The following TYW5 variants were observed in gnomAD, a reference collection of about 807,000 sequenced individuals.
The protein encoded by TYW5 is tRNA wybutosine-synthesizing protein 5.
Under a neutral mutation model 44.4 loss-of-function variants are expected in TYW5, and 36 were observed. The observed-to-expected ratio is 0.81, with a 90% CI of 0.62 to 1.07. The LOEUF (loss-of-function observed/expected upper bound fraction) is 1.07, where lower values mean the gene tolerates loss of function less well. Ranked by LOEUF, TYW5 falls within the 50% of genes least tolerant of loss-of-function variation. TYW5 has a pLI of 0.00. For synonymous variants in TYW5, 121 were observed against 128.1 expected, an observed-to-expected ratio of 0.94 and a Z score of 0.37; for missense variants, 354 against 365.7, an observed-to-expected ratio of 0.97 and a Z score of 0.26.
rs150108189 is a variant in TYW5, at chr2:199,949,310, G to A, written c.79-838C>T. Among the ~76,000 whole-genome samples the A allele has an allele frequency of 1.8e-3, 278 of 152,314 alleles. 1 individual carries two copies. Among genetic ancestry groups the A allele is most frequent in the African/African-American group, 6.3e-3 (262 of 41,564 alleles). On this transcript the variant is annotated intron_variant, in intron 1 of 7. Transcript: ENST00000354611. ...TTGAACCTAGGAGGCGGAGGTTGCAGTGAGCTGAGGTCGCACCATTGTACT... is the reference window on the plus strand; with the variant it reads ...TTGAACCTAGGAGGCGGAGGTTGCAATGAGCTGAGGTCGCACCATTGTACT...
chr2:199,938,685 T>A (rs1574797528), intron 5 of TYW5, among the ~76,000 whole-genome samples: 1 of 152,194 alleles, frequency 6.6e-6, no homozygotes, highest in African/African-American at 2.4e-5. Context: ...AAACTTGGTA[T>A]ATATATGATG....
At chr2:199,938,786 C>T (rs1233210242) in intron 5 of TYW5, 147 bp downstream of exon 5, 1 of 733,112 alleles carries the variant, frequency 1.4e-6, no homozygotes, top group African/African-American at 1.8e-5. Flanking sequence ...TGTATCACTG[C>T]TATGCACAGC....
chr2:199,930,694 G>C lies in TYW5; in HGVS notation c.*2373C>G, dbSNP rs1213827513. On this transcript the variant is annotated 3_prime_UTR_variant, in exon 8 of 8. Coordinates refer to ENST00000354611, the MANE Select transcript of TYW5 (RefSeq NM_001039693.3). ...AGGAAAAAAATTCCTTTTTGCATCA[G>C]GTCAAGCCCCCAAACTAGCCAAAGA... The C allele has an allele frequency of 6.6e-6, 1 of 152,138 alleles. No homozygotes were observed. The highest frequency in any genetic ancestry group is 1.5e-5 in the Non-Finnish European group (1 of 68,044). 9.4% of individuals were successfully genotyped at this position (152,138 alleles called of 1,614,324 possible).
rs531596505 is a variant in TYW5, at chr2:199,930,376, T to G, written c.*2691A>C. ...CTGGTTTCTCGTGCATCCTTAGAGA[T>G]AATTATATGCATATGCAAATAAGAT... On this transcript the variant is annotated 3_prime_UTR_variant, in exon 8 of 8. Transcript: ENST00000354611. The G allele has an allele frequency of 6.6e-6, 1 of 152,374 alleles. No homozygotes were observed. The highest frequency in any genetic ancestry group is 2.1e-4 in the South Asian group (1 of 4,832). The allele number at this position is 152,374 out of a possible 1,614,324, so 9.4% of individuals were successfully genotyped here.
At position 199,932,535 on chromosome 2, in the gene TYW5, G is replaced by C. The variant is rs1416348274; in HGVS notation, c.*532C>G. The stretch of plus-strand genomic sequence containing the variant: ...TAGAGCAATGAGACCTAAGGATATG[G>C]AAAGTGAATTCTGGGAAAGCTTTCT... On this transcript the variant is annotated 3_prime_UTR_variant, in exon 8 of 8. Coordinates refer to ENST00000354611, the MANE Select transcript of TYW5 (RefSeq NM_001039693.3). The C allele has an allele frequency of 6.4e-6, 1 of 157,070 alleles. No homozygotes were observed. Among genetic ancestry groups the C allele is most frequent in the Non-Finnish European group, 1.4e-5 (1 of 71,002 alleles). The allele number at this position is 157,070 out of a possible 1,614,324, so 9.7% of individuals were successfully genotyped here.
chr2:199,936,414 A>T lies in TYW5; in HGVS notation c.565T>A (p.Tyr189Asn), dbSNP rs769744604. The change falls in exon 6 of 8, where the codon TAT becomes AAT. Residue 189 changes from tyrosine (Y) to asparagine (N), a missense_variant. Coordinates refer to ENST00000354611, the MANE Select transcript of TYW5 (RefSeq NM_001039693.3). ...AAAAAAAATCCCATACCTTTTAAATATAAATACTGGGCATCTCGAGGACTG... is the reference window on the plus strand; with the variant it reads ...AAAAAAAATCCCATACCTTTTAAATTTAAATACTGGGCATCTCGAGGACTG... ...LFSPRDAQYL[Y>N]LKGTKSEVLN... is the part of the protein sequence containing the mutation. 6.2e-7 allele frequency: 1 copy of T among 1,611,802 alleles called. No individual in the cohort carries two copies. The highest frequency in any genetic ancestry group is 8.5e-7 in the Non-Finnish European group (1 of 1,179,296).
rs1207820097 is a variant in TYW5, at chr2:199,930,061, C to G, written c.*3006G>C. On this transcript the variant is annotated 3_prime_UTR_variant, in exon 8 of 8. Transcript: ENST00000354611. ...CACAATTCCAGCTCACTGCAACCTG[C>G]ACCTCCCAGGCTCAAGTGATCCTCC... 3 of 149,922 alleles carry G rather than the reference C, an allele frequency of 2.0e-5. No individual in the cohort carries two copies. 9.3% of individuals were successfully genotyped at this position (149,922 alleles called of 1,614,324 possible).
chr2:199,954,119 TTA>T (rs912521492), intron 1 of TYW5, among the ~76,000 whole-genome samples: 2 of 151,814 alleles, frequency 1.3e-5, no homozygotes, highest in African/African-American at 4.8e-5. Flanking sequence ...TTTTTTTTTT[TTA>T]AGCTAGGGTC....
At chr2:199,954,259 G>T (rs1176247820) in intron 1 of TYW5, among the ~76,000 whole-genome samples, 1 of 150,910 alleles carries the variant, frequency 6.6e-6, no homozygotes, top group Non-Finnish European at 1.5e-5. Context: ...GCGCCACCAC[G>T]CCCGGCTAAT....
At chr2:199,954,274 G>A (rs2077574585) in intron 1 of TYW5, among the ~76,000 whole-genome samples, 2 of 148,896 alleles carry the variant, frequency 1.3e-5, no homozygotes, top group African/African-American at 4.9e-5. Flanking sequence ...GCTAATTTTT[G>A]TATTTTTTGT....
intron 3 of TYW5, among the ~76,000 whole-genome samples, chr2:199,941,639 T>C (rs1380987282): frequency 2.0e-5 from 3 of 152,252 alleles, no homozygotes; most frequent in Non-Finnish European, 4.4e-5. Context: ...AAAATGTTCT[T>C]CGAAAGTCTA....
chr2:199,943,735 C>A (rs746075218), intron 3 of TYW5, 30 bp downstream of exon 3: 6 of 1,549,266 alleles, frequency 3.9e-6, no homozygotes, highest in Non-Finnish European at 5.3e-6. Context: ...GATATTAATG[C>A]CTTCTTTTAA....
chr2:199,950,667 T>C (rs1200072158), intron 1 of TYW5, among the ~76,000 whole-genome samples: 1 of 152,194 alleles, frequency 6.6e-6, no homozygotes, highest in Non-Finnish European at 1.5e-5. Context: ...TGTGTGTATG[T>C]GCACGTGCGC....
At position 199,938,990 on chromosome 2, in the gene TYW5, G is replaced by C. The variant is rs1574797876; in HGVS notation, c.429C>G (p.Phe143Leu). 1 of 1,613,458 alleles carries C rather than the reference G, an allele frequency of 6.2e-7. No homozygotes were observed. Among genetic ancestry groups the C allele is most frequent in the African/African-American group, 1.3e-5 (1 of 74,898 alleles). Residue 143 changes from phenylalanine to leucine, a missense_variant, in exon 5 of 8, where the codon TTC becomes TTG. Transcript: ENST00000354611. ...KFPEFFKEEQ[F>L]FSSVFRISSP... is the part of the protein sequence containing the mutation. The stretch of plus-strand genomic sequence containing the variant: ...AACTAATTCGAAAAACACTGGAAAA[G>C]AACTGTTCCTCTTTGAAGAATTCTG...
intron 2 of TYW5, chr2:199,944,798 T>G (rs2077491609): frequency 6.6e-6 from 1 of 152,334 alleles, no homozygotes; most frequent in Middle Eastern, 3.4e-3. Context: ...GGTTAAATAC[T>G]TTCTCCTTCT....
At chr2:199,952,385 AATATGAT>A (rs1486963520) in intron 1 of TYW5, among the ~76,000 whole-genome samples, 9 of 152,214 alleles carry the variant, frequency 5.9e-5, no homozygotes, top group Non-Finnish European at 1.3e-4. Context: ...AATTTTTGCC[AATATGAT>A]ATATAAGAAG....
At chr2:199,943,146 G>A (rs1421086326) in intron 3 of TYW5, 1 of 152,224 alleles carries the variant, frequency 6.6e-6, no homozygotes, top group Admixed American at 6.5e-5. Context: ...GTGAGCCATT[G>A]CGCTCGACCA....
In TYW5 at chr2:199,936,461, C is replaced by T. The variant is rs1381790348; in HGVS notation, c.518G>A (p.Gly173Glu). The T allele has an allele frequency of 6.2e-6, 10 of 1,612,914 alleles. No homozygotes were observed. Among genetic ancestry groups the T allele is most frequent in the Admixed American group, 1.7e-5 (1 of 59,954 alleles). The stretch of plus-strand genomic sequence containing the variant: ...ACTGAAGAGTACAACACGCTTTTTT[C>T]CTGTCACTTGTATTAACAAATTATC... ...VMDNLLIQVT[G>E]KKRVVLFSPR... The change falls in exon 6 of 8, where the codon GGA becomes GAA. Residue 173 changes from glycine (G) to glutamate (E), a missense_variant. Physicochemically the swap from Gly to Glu is moderately conservative, Grantham distance 98. Transcript: ENST00000354611.
chr2:199,935,581 C>G (rs1240982451), intron 7 of TYW5, among the ~76,000 whole-genome samples: 1 of 146,008 alleles, frequency 6.8e-6, no homozygotes, highest in African/African-American at 2.5e-5. Context: ...CTTTTGGCCT[C>G]AAGCAATCCT....
Sources: gnomAD v4.1 joint callset for allele counts (sites outside exome capture counted in the v4.1 genomes callset) on GRCh38, gnomAD v4.1.1 for gene constraint, MANE v1.5 for transcripts, NCBI Gene and HGNC (gene_info 2026-07-23, HGNC 2026-07-21) for gene names.